CHODL: variants seen among roughly 807,000 people sequenced by gnomAD.
CHODL encodes the protein chondrolectin, also known as transmembrane protein MT75.
In CHODL, 29 loss-of-function variants were observed where a neutral mutation model predicts 34.5. That is an observed-to-expected ratio of 0.84 (90% confidence interval 0.63 to 1.15). The LOEUF (loss-of-function observed/expected upper bound fraction) is 1.15. CHODL is among the 50% of genes most tolerant of loss of function. The pLI is 0.00. For missense variants in CHODL, 332 were observed against 332.5 expected (o/e 1.00, Z 0.01); for synonymous variants, 125 against 116.1 (o/e 1.08, Z -0.49).
intron 2 of CHODL, among the ~76,000 whole-genome samples, chr21:18,239,803 A>G (rs1471762773): frequency 6.6e-6 from 1 of 151,858 alleles, no homozygotes; most frequent in Non-Finnish European, 1.5e-5. Flanking sequence ...TGATATGTTG[A>G]TTTATTAGTC....
chr21:18,000,433 C>T (rs545237476), intron 1 of CHODL, among the ~76,000 whole-genome samples: 1 of 152,294 alleles, frequency 6.6e-6, no homozygotes, highest in South Asian at 2.1e-4. Context: ...GAGTGCTCTT[C>T]TGCCCATCTT....
intron 2 of CHODL, among the ~76,000 whole-genome samples, chr21:18,220,659 T>G (rs1026660680): frequency 2.0e-5 from 3 of 152,076 alleles, no homozygotes; most frequent in African/African-American, 4.8e-5. Context: ...CATTTTTGAA[T>G]AATAGCTTTG....
At position 18,205,737 on chromosome 21, in the gene CHODL, C is replaced by CTTTTT. The variant is rs56091373; in HGVS notation, c.-44-50759_-44-50755dup. Among the ~76,000 whole-genome samples the CTTTTT allele has an allele frequency of 3.9e-4, 49 of 127,152 alleles. 1 individual carries two copies. The highest frequency in any genetic ancestry group is 2.4e-3 in the South Asian group (9 of 3,762). 83.4% of individuals were successfully genotyped at this position (127,152 alleles called of 152,430 possible). ...GACCTACTAATCATTAAGGAGTATA[C>CTTTTT]TTTTTTTTTTTTTTTTTGAGATAGA... is the stretch of plus-strand genomic sequence containing the variant. On this transcript the variant is annotated intron_variant, in intron 2 of 6. Transcript: ENST00000400127.
At chr21:18,116,817 G>A (rs776284118) in intron 2 of CHODL, among the ~76,000 whole-genome samples, 10 of 152,104 alleles carry the variant, frequency 6.6e-5, no homozygotes, top group Non-Finnish European at 1.3e-4. Context: ...TTTTGCTCTG[G>A]GACATCTCTG....
intron 1 of CHODL, among the ~76,000 whole-genome samples, chr21:17,992,477 T>G (rs1024268058): frequency 4.6e-5 from 7 of 152,150 alleles, no homozygotes; most frequent in Non-Finnish European, 7.4e-5. Context: ...TGCTTTCAAT[T>G]TCTTTCATCA....
chr21:18,194,419 TC>T lies in CHODL; in HGVS notation c.-44-62086del, dbSNP rs1469562866. ...CTGTTCTCTGAAGGAGCCAAGCTCA[TC>T]CCCAGCTTTCTCCTTTGCACTAGCT... On this transcript the variant is annotated intron_variant, in intron 2 of 6. Transcript: ENST00000400127. 2.0e-5 allele frequency among the ~76,000 whole-genome samples: 3 copies of T among 152,178 alleles called. 1 individual carries two copies. The highest frequency in any genetic ancestry group is 2.0e-4 in the Admixed American group (3 of 15,284).
intron 1 of CHODL, among the ~76,000 whole-genome samples, chr21:17,984,908 T>C (rs2063741388): frequency 6.6e-6 from 1 of 152,280 alleles, no homozygotes; most frequent in African/African-American, 2.4e-5. Flanking sequence ...TAAATTCTTA[T>C]ATATGGAATC....
At chr21:17,977,508 C>T (rs941035153) in intron 1 of CHODL, among the ~76,000 whole-genome samples, 17 of 150,094 alleles carry the variant, frequency 1.1e-4, no homozygotes, top group Non-Finnish European at 1.0e-4. Flanking sequence ...TGGGAATATG[C>T]GCCACTGCGC....
chr21:18,140,332 A>G (rs1422771294), intron 2 of CHODL, among the ~76,000 whole-genome samples: 1 of 152,196 alleles, frequency 6.6e-6, no homozygotes, highest in African/African-American at 2.4e-5. Flanking sequence ...TTATACAGAG[A>G]GGACAGTGGT....
At chr21:18,016,867 G>T (rs1183980038) in intron 1 of CHODL, among the ~76,000 whole-genome samples, 2 of 152,246 alleles carry the variant, frequency 1.3e-5, no homozygotes, top group East Asian at 3.9e-4. Context: ...GAGTCATGGA[G>T]GTCAAAGGAG....
At chr21:18,082,270 T>TAAATTTCCTGAGGCTTCCCAGTCATGC in intron 2 of CHODL, among the ~76,000 whole-genome samples, 2 of 152,328 alleles carry the variant, frequency 1.3e-5, no homozygotes, top group Middle Eastern at 6.8e-3. Context: ...CCCTTGATTG[T>TAAATTTCCTGAGGCTTCCCAGTCATGC]AAATTTCCTG....
intron 2 of CHODL, among the ~76,000 whole-genome samples, chr21:18,065,185 A>T (rs2064716568): frequency 6.6e-6 from 1 of 152,182 alleles, no homozygotes. Context: ...ACACACAGAG[A>T]TTCTCTTTTT....
chr21:18,016,198 G>A (rs748004282), intron 1 of CHODL, among the ~76,000 whole-genome samples: 10 of 152,372 alleles, frequency 6.6e-5, no homozygotes, highest in Admixed American at 2.0e-4. Flanking sequence ...GGGAAAAATA[G>A]TTTTGTGGGC....
chr21:18,223,952 G>A (rs1174759188), intron 2 of CHODL, among the ~76,000 whole-genome samples: 1 of 152,198 alleles, frequency 6.6e-6, no homozygotes, highest in Non-Finnish European at 1.5e-5. Context: ...CAGTGTTAGC[G>A]ATAGAGTAAG....
intron 2 of CHODL, among the ~76,000 whole-genome samples, chr21:18,167,483 G>A (rs1040949572): frequency 2.0e-5 from 3 of 151,426 alleles, no homozygotes; most frequent in Non-Finnish European, 4.4e-5. Context: ...CTAATTTTTT[G>A]TATTTGTAGT....
chr21:18,159,024 G>A (rs2073066151), intron 2 of CHODL, among the ~76,000 whole-genome samples: 1 of 152,122 alleles, frequency 6.6e-6, no homozygotes. Flanking sequence ...TTCCTTAAAT[G>A]TGACTCCATT....
chr21:17,941,233 C>T (rs888604622), intron 1 of CHODL, among the ~76,000 whole-genome samples: 5 of 149,116 alleles, frequency 3.4e-5, no homozygotes, highest in Non-Finnish European at 7.4e-5. Context: ...TTGATATATT[C>T]TCAAACTGAA....
At chr21:18,130,042 C>T (rs892331040) in intron 2 of CHODL, among the ~76,000 whole-genome samples, 2 of 151,930 alleles carry the variant, frequency 1.3e-5, no homozygotes, top group African/African-American at 4.8e-5. Flanking sequence ...AGATTTTCAC[C>T]GGAGCAAGGA....
chr21:17,983,103 A>G (rs2063727363), intron 1 of CHODL, among the ~76,000 whole-genome samples: 1 of 152,158 alleles, frequency 6.6e-6, no homozygotes, highest in Non-Finnish European at 1.5e-5. Context: ...CTAGGTGTAG[A>G]CTTATGTAAA....
Sources: allele counts gnomAD v4.1 joint callset (sites outside exome capture counted in the v4.1 genomes callset), GRCh38; gene constraint gnomAD v4.1.1; transcripts MANE v1.5; gene names NCBI Gene and HGNC (gene_info 2026-07-23, HGNC 2026-07-21).